Variants in PDE8B observed in about 807,000 individuals in gnomAD.
PDE8B encodes high affinity cAMP-specific and IBMX-insensitive 3',5'-cyclic phosphodiesterase 8B.
Under a neutral mutation model 101.3 loss-of-function variants are expected in PDE8B, and 26 were observed. That is an observed-to-expected ratio of 0.26 (90% CI 0.19 to 0.36). The LOEUF (loss-of-function observed/expected upper bound fraction) is 0.36, where lower values mean the gene tolerates loss of function less well. Ranked by LOEUF, PDE8B falls within the 10% of genes least tolerant of loss-of-function variation. PDE8B has a pLI of 1.00. For synonymous variants in PDE8B, 424 were observed against 429.3 expected (o/e 0.99, Z 0.15); for missense variants, 810 against 1,163.1 (o/e 0.70, Z 4.42).
the PDE8B span, among the ~76,000 whole-genome samples, chr5:77,170,004 G>A: frequency 6.6e-6 from 1 of 152,196 alleles, no homozygotes; most frequent in Non-Finnish European, 1.5e-5. Flanking sequence ...AATTGGTGCT[G>A]AGGTGCTATC....
chr5:77,108,904 G>A, the PDE8B span, among the ~76,000 whole-genome samples: 4 of 152,058 alleles, frequency 2.6e-5, no homozygotes, highest in Non-Finnish European at 5.9e-5. Context: ...TTTTAGTATA[G>A]AGAAGACACA....
At chr5:77,227,455 G>A (rs1342238248) in intron 1 of PDE8B, among the ~76,000 whole-genome samples, 1 of 152,118 alleles carries the variant, frequency 6.6e-6, no homozygotes, top group East Asian at 1.9e-4. Context: ...ACTAATTCAT[G>A]AAGTTTGGGT....
At chr5:77,273,590 G>T (rs1194381854) in intron 1 of PDE8B, among the ~76,000 whole-genome samples, 1 of 152,128 alleles carries the variant, frequency 6.6e-6, no homozygotes, top group East Asian at 1.9e-4. Flanking sequence ...TACTGAGGAA[G>T]AATAACTTGC....
chr5:77,162,596 G>T, the PDE8B span, among the ~76,000 whole-genome samples: 1 of 152,166 alleles, frequency 6.6e-6, no homozygotes, highest in Non-Finnish European at 1.5e-5. Context: ...GAACAAAATA[G>T]ACCTGCACAT....
chr5:77,384,038 A>G (rs1581387769), intron 10 of PDE8B, among the ~76,000 whole-genome samples: 2 of 152,192 alleles, frequency 1.3e-5, no homozygotes, highest in Admixed American at 1.3e-4. Flanking sequence ...TGGTAGCTTG[A>G]TGGGAATAGC....
At chr5:77,088,959 AAAG>A in the PDE8B span, among the ~76,000 whole-genome samples, 1 of 152,150 alleles carries the variant, frequency 6.6e-6, no homozygotes, top group Non-Finnish European at 1.5e-5. Context: ...AATATCCTTA[AAAG>A]AAGAACAAGA....
intron 7 of PDE8B, among the ~76,000 whole-genome samples, chr5:77,347,562 TA>T (rs1236611095): frequency 6.6e-6 from 1 of 152,212 alleles, no homozygotes; most frequent in Non-Finnish European, 1.5e-5. Context: ...AAATAGTTAA[TA>T]AACAGTCCTG....
chr5:77,148,409 A>G, the PDE8B span: 1 of 152,200 alleles, frequency 6.6e-6, no homozygotes, highest in Non-Finnish European at 1.5e-5. Context: ...TGGAATCACT[A>G]GATTGTATGG....
chr5:77,093,622 T>C, the PDE8B span, among the ~76,000 whole-genome samples: 1 of 152,232 alleles, frequency 6.6e-6, no homozygotes, highest in African/African-American at 2.4e-5. Flanking sequence ...GCATTGTTTG[T>C]GCTATTCATC....
intron 1 of PDE8B, among the ~76,000 whole-genome samples, chr5:77,254,044 T>C (rs758575105): frequency 3.0e-4 from 45 of 152,296 alleles, no homozygotes; most frequent in Middle Eastern, 3.4e-3. Context: ...ATTGGGACTT[T>C]GTGTGGAACT....
At chr5:77,191,893 T>C in the PDE8B span, among the ~76,000 whole-genome samples, 2 of 152,190 alleles carry the variant, frequency 1.3e-5, no homozygotes, top group South Asian at 4.2e-4. Flanking sequence ...TGCAATTAGA[T>C]GGTCCTGTCT....
chr5:77,365,202 A>AAAC (rs546965992), intron 10 of PDE8B, among the ~76,000 whole-genome samples: 4 of 152,248 alleles, frequency 2.6e-5, no homozygotes, highest in South Asian at 4.2e-4. Context: ...TTATCAAAGA[A>AAAC]AACAACAACA....
intron 1 of PDE8B, among the ~76,000 whole-genome samples, chr5:77,233,462 T>C (rs908512358): frequency 6.6e-6 from 1 of 152,196 alleles, no homozygotes; most frequent in African/African-American, 2.4e-5. Context: ...CAAAGTCTTA[T>C]AGCATTGTAA....
At chr5:77,231,915 G>A (rs1050915047) in intron 1 of PDE8B, among the ~76,000 whole-genome samples, 4 of 152,362 alleles carry the variant, frequency 2.6e-5, no homozygotes, top group Admixed American at 2.6e-4. Flanking sequence ...TCATCCTGCA[G>A]TGCCCTGCCA....
chr5:77,378,009 T>TACACACACACACACACAC (rs3031820), intron 10 of PDE8B, among the ~76,000 whole-genome samples: 30 of 134,482 alleles, frequency 2.2e-4, no homozygotes, highest in South Asian at 9.5e-4. Context: ...CCTCTCTCTC[T>TACACACACACACACACAC]ACACACACAC....
the PDE8B span, among the ~76,000 whole-genome samples, chr5:77,168,152 C>T: frequency 3.3e-5 from 5 of 152,184 alleles, no homozygotes; most frequent in Admixed American, 6.5e-5. Flanking sequence ...AAGACAGGGA[C>T]GATACGAGAG....
chr5:77,404,135 G>T (rs1792901836), intron 11 of PDE8B, among the ~76,000 whole-genome samples: 1 of 152,168 alleles, frequency 6.6e-6, no homozygotes, highest in African/African-American at 2.4e-5. Flanking sequence ...TTACAGGCAT[G>T]CTCAACCATG....
At chr5:77,170,401 A>G in the PDE8B span, among the ~76,000 whole-genome samples, 1 of 152,184 alleles carries the variant, frequency 6.6e-6, no homozygotes, top group Non-Finnish European at 1.5e-5. Context: ...GAGCAGTGGG[A>G]TAAAAGCCAC....
chr5:77,175,361 T>A, the PDE8B span, among the ~76,000 whole-genome samples: 2 of 152,242 alleles, frequency 1.3e-5, no homozygotes, highest in African/African-American at 4.8e-5. Context: ...TGGACTGTTG[T>A]CACTTCCTTG....
Sources: allele counts gnomAD v4.1 joint callset (sites outside exome capture counted in the v4.1 genomes callset), GRCh38; gene constraint gnomAD v4.1.1; transcripts MANE v1.5; gene names NCBI Gene and HGNC (gene_info 2026-07-23, HGNC 2026-07-21).